SIM1: variants seen among roughly 807,000 people sequenced by gnomAD.
SIM1 encodes the protein single-minded homolog 1.
SIM1 carries 18 observed loss-of-function variants against 78.2 expected under a neutral mutation model. The observed-to-expected ratio is 0.23, with a 90% CI of 0.16 to 0.34. The LOEUF is 0.34. Ranked by LOEUF, SIM1 falls within the 10% of genes least tolerant of loss-of-function variation. The pLI is 1.00. For synonymous variants in SIM1, 417 were observed against 385.2 expected, an observed-to-expected ratio of 1.08 and a Z score of -0.97; for missense variants, 939 against 975.1, an observed-to-expected ratio of 0.96 and a Z score of 0.49.
rs1235782514 is a variant in SIM1 at position 100,412,673 on chromosome 6, GAAAGAAAGAAAA to G, written c.1167+8105_1167+8116del. Reference sequence around the variant, plus strand: ...AGAAAGAAAGAGAGAGAGAGAGAGAGAAAGAAAGAAAAAGAAAGAAAGAAAGAAAGAAAGAAA... The same window carrying G: ...AGAAAGAAAGAGAGAGAGAGAGAGAGAGAAAGAAAGAAAGAAAGAAAGAAA... On this transcript the variant is annotated intron_variant, in intron 10 of 11. Transcript: ENST00000369208. 2.4e-4 allele frequency among the ~76,000 whole-genome samples: 25 copies of G among 103,664 alleles called. 1 individual carries two copies. The highest frequency in any genetic ancestry group is 5.3e-4 in the Admixed American group (5 of 9,444). 68.0% of individuals were successfully genotyped at this position (103,664 alleles called of 152,430 possible). A position where few individuals can be genotyped will look rare whatever the true frequency, so the allele number is the denominator to read the frequency against.
intron 10 of SIM1, among the ~76,000 whole-genome samples, chr6:100,418,199 A>T (rs958015022): frequency 7.9e-5 from 12 of 151,870 alleles, no homozygotes; most frequent in African/African-American, 2.9e-4. Context: ...AAAAATTTTA[A>T]AAATTAATGG....
At chr6:100,436,084 A>G (rs1206947352) in intron 9 of SIM1, among the ~76,000 whole-genome samples, 1 of 152,082 alleles carries the variant, frequency 6.6e-6, no homozygotes, top group East Asian at 1.9e-4. Context: ...TCTAGCCAGA[A>G]AGCAGTCTAA....
At chr6:100,431,609 C>G (rs1265487778) in intron 9 of SIM1, among the ~76,000 whole-genome samples, 2 of 152,082 alleles carry the variant, frequency 1.3e-5, no homozygotes, top group African/African-American at 4.8e-5. Context: ...TTGGATTGCC[C>G]ACTAAAACAC....
chr6:100,458,006 TTCTCTCTCTCTCTCTCTC>T (rs71028024), intron 2 of SIM1, among the ~76,000 whole-genome samples: 4,321 of 89,626 alleles, frequency 0.048, 86 homozygotes, highest in African/African-American at 0.092. Flanking sequence ...GTCTCTCTCT[TTCTCTCTCTCTCTCTCTC>T]TCTCTCTCTC....
intron 10 of SIM1, among the ~76,000 whole-genome samples, chr6:100,405,895 A>G (rs753139270): frequency 1.8e-4 from 28 of 152,172 alleles, no homozygotes; most frequent in Non-Finnish European, 2.6e-4. Context: ...GTGTAACTCT[A>G]TAAGGAATCT....
chr6:100,448,766 C>G (rs1019206306), intron 6 of SIM1, 88 bp from the exon 7 acceptor site: 98 of 1,224,096 alleles, frequency 8.0e-5, no homozygotes, highest in Non-Finnish European at 1.0e-4. Flanking sequence ...TGTTGAAACT[C>G]TGCTTAGCCC....
intron 10 of SIM1, among the ~76,000 whole-genome samples, chr6:100,415,348 T>C (rs1399653797): frequency 6.6e-6 from 1 of 152,212 alleles, no homozygotes; most frequent in African/African-American, 2.4e-5. Context: ...GGTTTTCTAA[T>C]TCAGCAGAAC....
chr6:100,391,006 C>G lies in SIM1; in HGVS notation c.1656G>C (p.Glu552Asp), dbSNP rs1582598788. The G allele has an allele frequency of 6.2e-7, 1 of 1,614,022 alleles. No individual in the cohort carries two copies. The part of the protein sequence containing the change: ...ASESGDRYRT[E>D]QYQSSPHEPS... ...GTTCATGTGGGCTACTTTGATACTG[C>G]TCAGTACGATATCGGTCACCTGATT... Residue 552 changes from glutamate (E) to aspartate (D), a missense_variant, in exon 12 of 12, where the codon GAG becomes GAC. By Grantham distance (45) the Glu-to-Asp change is conservative. Transcript: ENST00000369208.
chr6:100,396,807 T>C (rs1770780203), intron 10 of SIM1, among the ~76,000 whole-genome samples: 1 of 152,158 alleles, frequency 6.6e-6, no homozygotes, highest in Admixed American at 6.5e-5. Context: ...AGGTATTCAT[T>C]AAATATTTGA....
intron 9 of SIM1, among the ~76,000 whole-genome samples, chr6:100,445,981 A>T (rs1418318581): frequency 6.6e-6 from 1 of 152,206 alleles, no homozygotes; most frequent in African/African-American, 2.4e-5. Context: ...GTTTTGTATT[A>T]AAATACACAG....
intron 9 of SIM1, among the ~76,000 whole-genome samples, chr6:100,425,939 A>T (rs1771715890): frequency 6.6e-6 from 1 of 152,238 alleles, no homozygotes; most frequent in Non-Finnish European, 1.5e-5. Flanking sequence ...AATGAAGGAC[A>T]GCACTGCTCT....
At chr6:100,448,033 G>T in intron 8 of SIM1, 113 bp downstream of exon 8, 1 of 790,768 alleles carries the variant, frequency 1.3e-6, no homozygotes, top group South Asian at 1.8e-5. Flanking sequence ...CCACCACCCG[G>T]CTCCCTGGGC....
intron 9 of SIM1, among the ~76,000 whole-genome samples, chr6:100,422,533 T>A (rs1274732505): frequency 3.3e-5 from 5 of 152,170 alleles, no homozygotes; most frequent in Non-Finnish European, 5.9e-5. Flanking sequence ...AAATCATATA[T>A]GTAAAAGTGA....
chr6:100,393,598 C>T lies in SIM1; in HGVS notation c.1459G>A (p.Glu487Lys). The T allele has an allele frequency of 1.9e-6, 3 of 1,613,912 alleles. No homozygotes were observed. Among genetic ancestry groups the T allele is most frequent in the Non-Finnish European group, 2.5e-6 (3 of 1,179,788 alleles). ...GCTGCGCGAGAGCCCCACCAGGGCT[C>T]CCTCCCGGCCTGCGGCGTTCCCAGG... ...YFLGTPQAGR[E>K]PWWGSRAALP... The change falls in exon 11 of 12, where the codon GAG becomes AAG. Residue 487 changes from glutamate to lysine, a missense_variant. Physicochemically the swap from Glu to Lys is moderately conservative, Grantham distance 56. Coordinates refer to ENST00000369208, the MANE Select transcript of SIM1 (RefSeq NM_005068.3).
At chr6:100,406,495 A>G (rs1267606502) in intron 10 of SIM1, among the ~76,000 whole-genome samples, 2 of 152,172 alleles carry the variant, frequency 1.3e-5, no homozygotes, top group Non-Finnish European at 2.9e-5. Flanking sequence ...GCACGCTGAA[A>G]GAGGAGGTCT....
At position 100,448,080 on chromosome 6, in the gene SIM1, C is replaced by T. The variant is rs918601324; in HGVS notation, c.850+66G>A. ...CTCTTGCGAGGGATTTAAATCGTGG[C>T]TCCCCCACCCCCTAACCAGCGGATG... On this transcript the variant is annotated intron_variant, in intron 8 of 11. Transcript: ENST00000369208. The T allele has an allele frequency of 4.5e-6, 6 of 1,324,532 alleles. No individual in the cohort carries two copies. In the African/African-American group the frequency reaches 5.8e-5, roughly 13 times the overall value. The allele number at this position is 1,324,532 out of a possible 1,614,324, so 82.0% of individuals were successfully genotyped here.
intron 10 of SIM1, among the ~76,000 whole-genome samples, chr6:100,397,498 A>G (rs1770796552): frequency 6.6e-6 from 1 of 152,180 alleles, no homozygotes; most frequent in South Asian, 2.1e-4. Context: ...TCTCAACCTG[A>G]GTGTCACAGC....
At chr6:100,457,415 C>T (rs974838092) in intron 2 of SIM1, among the ~76,000 whole-genome samples, 2 of 152,150 alleles carry the variant, frequency 1.3e-5, no homozygotes, top group Non-Finnish European at 2.9e-5. Context: ...GCCGAGGCCA[C>T]TGCGGTTCCT....
rs965346332 is a variant in SIM1 at position 100,388,545 on chromosome 6, C to G, written c.*1816G>C. On this transcript the variant is annotated 3_prime_UTR_variant, in exon 12 of 12. Transcript: ENST00000369208. Reference sequence around the variant, plus strand: ...AGCCTCTCCTTTCATATACAAACAACCCAGTACTCATCTTTCATATTATCG... The same window carrying G: ...AGCCTCTCCTTTCATATACAAACAAGCCAGTACTCATCTTTCATATTATCG... 9.9e-5 allele frequency: 15 copies of G among 152,142 alleles called. No individual in the cohort carries two copies. The highest frequency in any genetic ancestry group is 1.8e-4 in the Non-Finnish European group (12 of 68,026). The allele number at this position is 152,142 out of a possible 1,614,324, so 9.4% of individuals were successfully genotyped here.
Sources: allele counts gnomAD v4.1 joint callset (sites outside exome capture counted in the v4.1 genomes callset), GRCh38; gene constraint gnomAD v4.1.1; transcripts MANE v1.5; gene names NCBI Gene and HGNC (gene_info 2026-07-23, HGNC 2026-07-21).